Variants in SPATA13 observed in about 807,000 individuals in gnomAD.
The protein encoded by SPATA13 is spermatogenesis-associated protein 13.
A neutral mutation model predicts 104.0 loss-of-function variants in SPATA13; 50 were observed. The ratio of observed to expected loss-of-function variants is 0.48; its 90% CI spans 0.38 to 0.61. The LOEUF is 0.61. Ranked by LOEUF, SPATA13 falls within the 20% of genes least tolerant of loss-of-function variation. The pLI, the probability that SPATA13 is intolerant of heterozygous loss-of-function variation, is 0.00. For synonymous variants in SPATA13, 606 were observed against 667.5 expected, an observed-to-expected ratio of 0.91 and a Z score of 1.42; for missense variants, 1,524 against 1,690.6, an observed-to-expected ratio of 0.90 and a Z score of 1.73.
intron 3 of SPATA13, among the ~76,000 whole-genome samples, chr13:24,106,921 C>G (rs943611980): frequency 6.6e-6 from 1 of 151,994 alleles, no homozygotes; most frequent in African/African-American, 2.4e-5. Flanking sequence ...AAAAGGTAGC[C>G]ATGTAGTGAA....
intron 3 of SPATA13, among the ~76,000 whole-genome samples, chr13:24,029,511 ATG>A: frequency 6.6e-6 from 1 of 152,194 alleles, no homozygotes; most frequent in Non-Finnish European, 1.5e-5. Flanking sequence ...AAAATTTTGT[ATG>A]TTATTTACAT....
chr13:24,126,114 A>C (rs1440040270), intron 3 of SPATA13, among the ~76,000 whole-genome samples: 1 of 151,564 alleles, frequency 6.6e-6, no homozygotes, highest in Non-Finnish European at 1.5e-5. Context: ...ATCTTCCTCC[A>C]CTCCCAGTCT....
At chr13:23,981,251 GT>G (rs1874878749) in intron 1 of SPATA13, among the ~76,000 whole-genome samples, 1 of 150,300 alleles carries the variant, frequency 6.7e-6, no homozygotes, top group South Asian at 2.1e-4. Flanking sequence ...AAGATTACTT[GT>G]TTTAGCCATA....
In SPATA13 at chr13:24,137,021, G is replaced by A. The variant is rs1392916237; in HGVS notation, c.-111-85798G>A. On this transcript the variant is annotated intron_variant, in intron 3 of 14. Transcript: ENST00000424834. The stretch of plus-strand genomic sequence containing the variant: ...ATTTTTTTGTATTTTTAGTAGAGAC[G>A]GGGTTTCACCGTTTTAGCCGGGATG... Among the ~76,000 whole-genome samples, 3 of 102,996 alleles carry A rather than the reference G, an allele frequency of 2.9e-5. 1 individual carries two copies. The highest frequency in any genetic ancestry group is 6.3e-5 in the Non-Finnish European group (3 of 47,694). The allele number at this position is 102,996 out of a possible 152,430, so 67.6% of individuals were successfully genotyped here. A position where few individuals can be genotyped will look rare whatever the true frequency, so the allele number is the denominator to read the frequency against.
At chr13:24,280,541 G>T (rs992430392) in intron 4 of SPATA13, among the ~76,000 whole-genome samples, 1 of 148,354 alleles carries the variant, frequency 6.7e-6, no homozygotes, top group South Asian at 2.1e-4. Flanking sequence ...AAGGAAAAAT[G>T]CTATTGGTAC....
intron 3 of SPATA13, among the ~76,000 whole-genome samples, chr13:24,078,463 G>A (rs1879403546): frequency 1.3e-5 from 2 of 152,156 alleles, no homozygotes; most frequent in African/African-American, 2.4e-5. Context: ...AAACAGGCCT[G>A]GGGCACTTCA....
chr13:24,251,524 T>G, intron 3 of SPATA13, 194 bp from the exon 4 acceptor site: 1 of 985,438 alleles, frequency 1.0e-6, no homozygotes, highest in Non-Finnish European at 1.2e-6. Flanking sequence ...GCCAGTAAGC[T>G]GATCAGGATT....
At chr13:24,014,526 A>AAAG (rs1306095791) in intron 2 of SPATA13, among the ~76,000 whole-genome samples, 1 of 152,380 alleles carries the variant, frequency 6.6e-6, no homozygotes, top group South Asian at 2.1e-4. Flanking sequence ...GTCTTACAAT[A>AAAG]AAGTAAGCTA....
chr13:24,097,250 T>G (rs1199783449), intron 3 of SPATA13, among the ~76,000 whole-genome samples: 3 of 152,164 alleles, frequency 2.0e-5, no homozygotes, highest in Admixed American at 6.5e-5. Context: ...GTGCTAAACA[T>G]GTTGCATCAT....
At chr13:24,089,208 C>A (rs1293312035) in intron 3 of SPATA13, among the ~76,000 whole-genome samples, 1 of 152,168 alleles carries the variant, frequency 6.6e-6, no homozygotes, top group Non-Finnish European at 1.5e-5. Context: ...CTGTGTCTCA[C>A]ATGATTTTTG....
chr13:24,170,854 G>A (rs55884031), intron 1 of SPATA13, among the ~76,000 whole-genome samples: 21,814 of 151,892 alleles, frequency 0.14, 1,843 homozygotes, highest in East Asian at 0.23. Context: ...CAGCAACTCC[G>A]AAAAGTATAG....
chr13:24,152,524 G>A (rs1321811189), intron 3 of SPATA13, among the ~76,000 whole-genome samples: 4 of 152,368 alleles, frequency 2.6e-5, no homozygotes, highest in Non-Finnish European at 1.5e-5. Context: ...CCCCAGTGAG[G>A]TCTTGCACAG....
intron 3 of SPATA13, among the ~76,000 whole-genome samples, chr13:24,126,838 G>A (rs374452020): frequency 8.5e-5 from 13 of 152,256 alleles, no homozygotes; most frequent in South Asian, 6.2e-4. Context: ...TTGGTTACAG[G>A]CATGAGCCAC....
At chr13:24,263,288 G>C (rs1566178974) in intron 4 of SPATA13, among the ~76,000 whole-genome samples, 1 of 152,230 alleles carries the variant, frequency 6.6e-6, no homozygotes, top group Non-Finnish European at 1.5e-5. Context: ...CTTAGTGCCT[G>C]TTGCGTGATA....
At chr13:24,271,024 C>G in intron 4 of SPATA13, 2 of 685,732 alleles carry the variant, frequency 2.9e-6, no homozygotes, top group Admixed American at 4.3e-5. Context: ...CTCTCTCACT[C>G]TCTCTCTCTC....
intron 1 of SPATA13, among the ~76,000 whole-genome samples, chr13:23,981,997 C>G (rs1439508028): frequency 6.6e-6 from 1 of 152,122 alleles, no homozygotes; most frequent in Admixed American, 6.5e-5. Flanking sequence ...AATACTTTTT[C>G]CAGGGGTTCC....
intron 3 of SPATA13, among the ~76,000 whole-genome samples, chr13:24,145,537 C>T (rs745746969): frequency 6.6e-6 from 1 of 152,150 alleles, no homozygotes; most frequent in East Asian, 1.9e-4. Context: ...TACTCCAGGC[C>T]TCAGTAAGAA....
intron 4 of SPATA13, chr13:24,278,731 A>T: frequency 6.3e-7 from 1 of 1,586,860 alleles, no homozygotes; most frequent in Non-Finnish European, 8.6e-7. Flanking sequence ...TCAACAGGTG[A>T]AAAAACAAAG....
At chr13:24,184,828 A>G (rs1869042747) in intron 1 of SPATA13, among the ~76,000 whole-genome samples, 1 of 152,080 alleles carries the variant, frequency 6.6e-6, no homozygotes, top group Admixed American at 6.6e-5. Context: ...TTAATAAAAT[A>G]CTTCTTTAGT....
Sources: gnomAD v4.1 joint callset for allele counts (sites outside exome capture counted in the v4.1 genomes callset) on GRCh38, gnomAD v4.1.1 for gene constraint, MANE v1.5 for transcripts, NCBI Gene and HGNC (gene_info 2026-07-23, HGNC 2026-07-21) for gene names.